The following DOCK6 variants were observed in gnomAD, a reference collection of about 807,000 sequenced individuals.
The protein encoded by DOCK6 is dedicator of cytokinesis 6.
In DOCK6, 167 loss-of-function variants were observed where a neutral mutation model predicts 230.3. The ratio of observed to expected loss-of-function variants is 0.73; its 90% CI spans 0.64 to 0.82. DOCK6 has a LOEUF of 0.82. DOCK6 is among the 40% of genes least tolerant of loss of function. The pLI is 0.00. For synonymous variants in DOCK6, 1,148 were observed against 1,185.0 expected (o/e 0.97, Z 0.64); for missense variants, 2,598 against 2,825.8 (o/e 0.92, Z 1.83).
chr19:11,250,993 A>C lies in DOCK6; in HGVS notation c.601T>G (p.Ser201Ala). The C allele has an allele frequency of 1.2e-6, 2 of 1,613,860 alleles. No individual in the cohort carries two copies. Among genetic ancestry groups the C allele is most frequent in the African/African-American group, 1.3e-5 (1 of 75,028 alleles). The stretch of plus-strand genomic sequence containing the variant: ...CGCTCTAGCAGAGAGGGCAGCAATG[A>C]GTCAGCTGCCAGGTTCCTCAGGTCG... ...IFDLRNLAAD[S>A]LLPSLLERAA... Residue 201 changes from serine (S) to alanine (A), a missense_variant, in exon 6 of 48, where the codon TCA (serine) becomes GCA (alanine). Transcript: ENST00000294618.
intron 1 of DOCK6, among the ~76,000 whole-genome samples, chr19:11,262,138 C>G (rs1599305384): frequency 6.6e-6 from 1 of 152,194 alleles, no homozygotes; most frequent in East Asian, 2.0e-4. Flanking sequence ...GGACACACCC[C>G]CGCGCGTCAC....
chr19:11,239,728 C>T, intron 14 of DOCK6: 3 of 1,613,406 alleles, frequency 1.9e-6, no homozygotes, highest in Non-Finnish European at 2.5e-6. Flanking sequence ...AGAACTGGCA[C>T]AGCATGAGGA....
In DOCK6 at chr19:11,245,629, G is replaced by T; in HGVS notation, c.957C>A (p.Ser319=). The T allele has an allele frequency of 1.2e-6, 2 of 1,601,438 alleles. No individual in the cohort carries two copies. Among genetic ancestry groups the T allele is most frequent in the East Asian group, 4.5e-5 (2 of 44,334 alleles). The part of the protein sequence containing the change: ...LRAHGTHPAI[S]TLARSAIFSV... ...AGAAGATGGCAGAGCGGGCCAGGGT[G>T]GAGATGGCAGGGTGGGTGCCATGAG... Residue 319 remains serine, a synonymous_variant, in exon 9 of 48, where the codon TCC becomes TCA. Coordinates refer to ENST00000294618, the MANE Select transcript of DOCK6 (RefSeq NM_020812.4).
chr19:11,250,219 C>T (rs945266422), intron 6 of DOCK6, among the ~76,000 whole-genome samples: 1 of 149,344 alleles, frequency 6.7e-6, no homozygotes, highest in Admixed American at 6.7e-5. Context: ...CCATGTTGGT[C>T]AGGCTGGTCT....
In DOCK6 at chr19:11,200,492, T is replaced by A; in HGVS notation, c.5940-23A>T. ...CATCTGAGGGCCAGAGGGTGGGAGA[T>A]GCTCAGAGACTCGCACACGGGACTG... On this transcript the variant is annotated intron_variant, in intron 46 of 47. Transcript: ENST00000294618. The surrounding 1 kb of genome is among the most constrained non-coding windows in gnomAD (Gnocchi z 4.3). 6.2e-7 allele frequency: 1 copy of A among 1,605,574 alleles called. No homozygotes were observed. The highest frequency in any genetic ancestry group is 8.5e-7 in the Non-Finnish European group (1 of 1,176,270).
chr19:11,205,838 T>C (rs932511843), intron 39 of DOCK6: 7 of 149,262 alleles, frequency 4.7e-5, no homozygotes, highest in Non-Finnish European at 8.9e-5. Flanking sequence ...TTGCCCAAGC[T>C]GGTCTTGAAC....
chr19:11,252,903 C>T lies in DOCK6; in HGVS notation c.188G>A (p.Arg63Gln), dbSNP rs776824883. ...PLDFEDVLLS[R>Q]PPDAEPGPLR... Reference sequence around the variant, plus strand: ...GGGCCCGGGCTCAGCATCTGGTGGCCGGCTCAGAAGTACATCCTCAAAGTC... The same window carrying T: ...GGGCCCGGGCTCAGCATCTGGTGGCTGGCTCAGAAGTACATCCTCAAAGTC... Residue 63 changes from arginine to glutamine, a missense_variant, in exon 3 of 48, where the codon CGG becomes CAG. Coordinates refer to ENST00000294618, the MANE Select transcript of DOCK6 (RefSeq NM_020812.4). 40 of 1,613,306 alleles carry T rather than the reference C, an allele frequency of 2.5e-5. No individual in the cohort carries two copies. Among genetic ancestry groups the T allele is most frequent in the Middle Eastern group, 1.7e-4 (1 of 6,060 alleles).
In DOCK6 at chr19:11,202,584, C is replaced by T; in HGVS notation, c.5361G>A (p.Glu1787=). 6.2e-7 allele frequency: 1 copy of T among 1,614,026 alleles called. No homozygotes were observed. ...TKLAEISHRL[E]EFYTERFGDD... ...TCCACCCCCAACCACAAGGACGTGCCTCCAGCCGGTGTGAGATCTCTGCCA... is the reference window on the plus strand; with the variant it reads ...TCCACCCCCAACCACAAGGACGTGCTTCCAGCCGGTGTGAGATCTCTGCCA... Residue 1787 remains glutamate, a splice_region_variant and synonymous_variant, in exon 42 of 48, where the codon GAG becomes GAA. Transcript: ENST00000294618. The surrounding 1 kb of genome is among the most constrained non-coding windows in gnomAD (Gnocchi z 5.3).
At chr19:11,259,086 C>T (rs1465473405) in intron 1 of DOCK6, among the ~76,000 whole-genome samples, 2 of 152,118 alleles carry the variant, frequency 1.3e-5, no homozygotes, top group Non-Finnish European at 2.9e-5. Flanking sequence ...GGGTCTCACT[C>T]TGTCACTCAG....
intron 1 of DOCK6, among the ~76,000 whole-genome samples, chr19:11,257,738 G>A (rs1180973300): frequency 2.6e-5 from 4 of 151,798 alleles, no homozygotes; most frequent in Non-Finnish European, 2.9e-5. Context: ...GCAGTGAGCC[G>A]AGATTGCGCC....
Position 11,222,189 on chromosome 19 carries a change from A to T in DOCK6, c.3300T>A (p.Ser1100Arg), listed in dbSNP as rs773039015. ...GGAAGTGCTGCTGCCGGAATGGTCC[A>T]CTCAGTTCGAACATGCTGGTCACCT... Reference protein sequence around the residue: ...DPKVTSMFELSGPFRQQHFLA... With the variant: ...DPKVTSMFELRGPFRQQHFLA... The change falls in exon 27 of 48, where the codon AGT becomes AGA. Residue 1100 changes from serine (S) to arginine (R), a missense_variant. Transcript: ENST00000294618. This position sits in a 1 kb window ranked among gnomAD's most constrained non-coding sequence, Gnocchi z 4.0. The T allele has an allele frequency of 1.9e-6, 3 of 1,608,056 alleles. No homozygotes were observed. In the African/African-American group the frequency reaches 4.0e-5, roughly 22 times the overall value.
chr19:11,237,743 A>C lies in DOCK6; in HGVS notation c.1869T>G (p.Leu623=). 6.3e-7 allele frequency: 1 copy of C among 1,578,016 alleles called. No individual in the cohort carries two copies. The highest frequency in any genetic ancestry group is 8.6e-7 in the Non-Finnish European group (1 of 1,162,520). ...GATGGTTCTCTGTCACGCAGGCTGG[A>C]AGATGCAGCTTGAACTCCTCGTAGA... The part of the protein sequence containing the change: ...PEFYEEFKLH[L]PACVTENHHL... Residue 623 remains leucine, a synonymous_variant, in exon 17 of 48, where the codon CTT becomes CTG. Coordinates refer to ENST00000294618, the MANE Select transcript of DOCK6 (RefSeq NM_020812.4).
intron 1 of DOCK6, among the ~76,000 whole-genome samples, chr19:11,254,638 C>T (rs1179169442): frequency 2.6e-5 from 4 of 151,396 alleles, no homozygotes; most frequent in Admixed American, 6.6e-5. Context: ...GTCGAGATCG[C>T]GCCACTGCAC....
intron 37 of DOCK6, among the ~76,000 whole-genome samples, chr19:11,209,719 CCTGT>C (rs1349487260): frequency 5.6e-5 from 5 of 89,066 alleles, no homozygotes; most frequent in African/African-American, 1.4e-4. Context: ...CATCCCTTCA[CCTGT>C]CTATCCCCTC....
rs57274579 is a variant in DOCK6 at position 11,258,520 on chromosome 19, C to T, written c.44+3877G>A. ...AAATCTCAGCTCACTGCAACCTCCA[C>T]GGCCCGGGTTCAAGCGATTCTCCTG... On this transcript the variant is annotated intron_variant, in intron 1 of 47. Transcript: ENST00000294618. 9.2e-3 allele frequency among the ~76,000 whole-genome samples: 1,389 copies of T among 151,566 alleles called. 23 individuals are homozygous for T. The highest frequency in any genetic ancestry group is 0.031 in the African/African-American group (1,279 of 41,280).
At position 11,213,043 on chromosome 19, in the gene DOCK6, G is replaced by C. The variant is rs889666470; in HGVS notation, c.4491+133C>G. 10 of 1,233,090 alleles carry C rather than the reference G, an allele frequency of 8.1e-6. No homozygotes were observed. In the Admixed American group the frequency reaches 2.3e-4, roughly 29 times the overall value. 76.4% of individuals were successfully genotyped at this position (1,233,090 alleles called of 1,614,324 possible). The stretch of plus-strand genomic sequence containing the variant: ...GAGCCACGGCACCTGACCCCCAATT[G>C]CATTCTGAGCCCTCCTCCTGCTCAT... On this transcript the variant is annotated intron_variant, in intron 35 of 47. Coordinates refer to ENST00000294618, the MANE Select transcript of DOCK6 (RefSeq NM_020812.4).
chr19:11,204,381 C>G (rs2079223102), intron 39 of DOCK6, 50 bp from the exon 40 acceptor site: 1 of 1,592,204 alleles, frequency 6.3e-7, no homozygotes, highest in African/African-American at 1.3e-5. Flanking sequence ...CCTCTCTCCA[C>G]TGTGCTCCTG....
chr19:11,201,853 CTCCCCACCCCCGCCAGGCCCAGGA>C lies in DOCK6; in HGVS notation c.5688+12_5688+35del. 2.7e-6 allele frequency: 4 copies of C among 1,485,868 alleles called. No individual in the cohort carries two copies. The highest frequency in any genetic ancestry group is 3.6e-6 in the Non-Finnish European group (4 of 1,096,402). 92.0% of individuals were successfully genotyped at this position (1,485,868 alleles called of 1,614,324 possible). On this transcript the variant is annotated intron_variant, in intron 44 of 47. Coordinates refer to ENST00000294618, the MANE Select transcript of DOCK6 (RefSeq NM_020812.4). This position sits in a 1 kb window ranked among gnomAD's most constrained non-coding sequence, Gnocchi z 4.3. ...CTCCCAGGGTCTGATGTCCCCTCAC[CTCCCCACCCCCGCCAGGCCCAGGA>C]TCCCCACCCACCTCCTCCCGGTGGC...
intron 28 of DOCK6, among the ~76,000 whole-genome samples, chr19:11,218,293 C>T (rs931151100): frequency 2.6e-5 from 4 of 151,994 alleles, no homozygotes; most frequent in Admixed American, 1.3e-4. Context: ...ATTACAGGTG[C>T]GCGCCACCGT....
Sources: gnomAD v4.1 joint callset for allele counts (sites outside exome capture counted in the v4.1 genomes callset) on GRCh38, gnomAD v4.1.1 for gene constraint, Gnocchi (gnomAD v3.1) non-coding constraint, MANE v1.5 for transcripts, NCBI Gene and HGNC (gene_info 2026-07-23, HGNC 2026-07-21) for gene names.